LIMS1: variants seen among roughly 807,000 people sequenced by gnomAD.
The protein encoded by LIMS1 is LIM zinc finger domain containing 1.
In LIMS1, 18 loss-of-function variants were observed where a neutral mutation model predicts 44.1. The ratio of observed to expected loss-of-function variants is 0.41; its 90% confidence interval spans 0.28 to 0.61. The LOEUF (loss-of-function observed/expected upper bound fraction) is 0.61, where lower values mean the gene tolerates loss of function less well. Ranked by LOEUF, LIMS1 falls within the 20% of genes least tolerant of loss-of-function variation. The pLI is 0.32. For missense variants in LIMS1, 201 were observed against 422.0 expected, an observed-to-expected ratio of 0.48 and a Z score of 4.59; for synonymous variants, 93 against 149.1, an observed-to-expected ratio of 0.62 and a Z score of 2.74.
intron 1 of LIMS1, among the ~76,000 whole-genome samples, chr2:108,606,133 T>A (rs908791261): frequency 3.3e-5 from 5 of 152,274 alleles, no homozygotes; most frequent in African/African-American, 1.2e-4. Context: ...CCAGACAACC[T>A]TCTAATTATA....
At chr2:108,593,317 T>G (rs1686503041) in intron 1 of LIMS1, among the ~76,000 whole-genome samples, 2 of 152,186 alleles carry the variant, frequency 1.3e-5, no homozygotes, top group Non-Finnish European at 2.9e-5. Context: ...ATTCTTCTCT[T>G]TCTTTTGCTT....
At chr2:108,639,506 G>A (rs367684472) in intron 1 of LIMS1, among the ~76,000 whole-genome samples, 9 of 152,202 alleles carry the variant, frequency 5.9e-5, no homozygotes, top group Admixed American at 1.3e-4. Flanking sequence ...AGGCTGGAGC[G>A]CAGTTGCGCC....
At chr2:108,665,617 C>G (rs1691698527) in intron 2 of LIMS1, among the ~76,000 whole-genome samples, 1 of 152,150 alleles carries the variant, frequency 6.6e-6, no homozygotes, top group Admixed American at 6.5e-5. Flanking sequence ...ACCTCCACCT[C>G]CTGGATTCAA....
At chr2:108,664,670 T>C (rs1294638907) in intron 2 of LIMS1, among the ~76,000 whole-genome samples, 1 of 152,232 alleles carries the variant, frequency 6.6e-6, no homozygotes, top group Non-Finnish European at 1.5e-5. Flanking sequence ...GATCAACTTC[T>C]GGCCTTTCTC....
intron 1 of LIMS1, among the ~76,000 whole-genome samples, chr2:108,622,973 A>ATTT (rs68115708): frequency 3.2e-5 from 4 of 123,128 alleles, no homozygotes; most frequent in Admixed American, 8.4e-5. Flanking sequence ...AAACAACTAG[A>ATTT]TTTTTTTTTT....
At chr2:108,561,746 GTTT>G (rs200154866) in intron 1 of LIMS1, among the ~76,000 whole-genome samples, 1 of 134,128 alleles carries the variant, frequency 7.5e-6, no homozygotes, top group Non-Finnish European at 1.6e-5. Flanking sequence ...GTTTTTTTTT[GTTT>G]TTTTTTTTTT....
chr2:108,669,476 C>T (rs1340083748), intron 2 of LIMS1, among the ~76,000 whole-genome samples: 1 of 151,996 alleles, frequency 6.6e-6, no homozygotes, highest in East Asian at 1.9e-4. Context: ...ACTGACTTTG[C>T]CAGTTAAGCT....
At chr2:108,678,611 A>C (rs1692732823) in intron 8 of LIMS1, 1 of 152,456 alleles carries the variant, frequency 6.6e-6, no homozygotes, top group South Asian at 2.1e-4. Context: ...TAATTCAGGA[A>C]ATACTTTTGA....
At chr2:108,662,232 C>G in intron 2 of LIMS1, 1 of 1,611,464 alleles carries the variant, frequency 6.2e-7, no homozygotes, top group South Asian at 1.1e-5. Flanking sequence ...GACTTAGGAA[C>G]GAACATGATG....
intron 3 of LIMS1, among the ~76,000 whole-genome samples, chr2:108,671,447 A>G (rs891751205): frequency 1.3e-5 from 2 of 152,292 alleles, no homozygotes; most frequent in East Asian, 1.9e-4. Flanking sequence ...ACCTTTACCA[A>G]CTTGCTTTTG....
intron 1 of LIMS1, among the ~76,000 whole-genome samples, chr2:108,540,197 T>TTC (rs1476517392): frequency 4.3e-5 from 6 of 139,968 alleles, no homozygotes; most frequent in Admixed American, 2.2e-4. Context: ...AGATTCCTTT[T>TTC]TTTTTTTTTT....
intron 1 of LIMS1, among the ~76,000 whole-genome samples, chr2:108,649,058 G>A (rs1690275816): frequency 6.6e-6 from 1 of 152,110 alleles, no homozygotes; most frequent in Non-Finnish European, 1.5e-5. Flanking sequence ...CCTACAGAAT[G>A]GGAGAAAATT....
intron 1 of LIMS1, among the ~76,000 whole-genome samples, chr2:108,551,901 ATATG>A (rs1296877067): frequency 7.0e-6 from 1 of 142,248 alleles, no homozygotes; most frequent in Non-Finnish European, 1.5e-5. Context: ...ATACATGTAT[ATATG>A]TATATGTGTG....
intron 1 of LIMS1, among the ~76,000 whole-genome samples, chr2:108,553,769 G>C (rs1332963930): frequency 6.6e-6 from 1 of 152,204 alleles, no homozygotes; most frequent in Non-Finnish European, 1.5e-5. Context: ...TGATGACTCT[G>C]TTGGACATTA....
At chr2:108,633,482 A>G (rs1689043844) in intron 1 of LIMS1, among the ~76,000 whole-genome samples, 1 of 152,164 alleles carries the variant, frequency 6.6e-6, no homozygotes, top group Non-Finnish European at 1.5e-5. Context: ...AACCACTCTC[A>G]ATTTCACCAT....
intron 1 of LIMS1, among the ~76,000 whole-genome samples, chr2:108,586,694 C>T (rs1220575955): frequency 6.6e-6 from 1 of 152,146 alleles, no homozygotes; most frequent in Non-Finnish European, 1.5e-5. Context: ...CAGTTTCCTT[C>T]CTTTAGATTT....
intron 1 of LIMS1, chr2:108,657,820 T>C: frequency 6.6e-6 from 1 of 152,438 alleles, no homozygotes; most frequent in Non-Finnish European, 1.5e-5. Context: ...ATGAACATGG[T>C]GTGTCTGCAC....
Position 108,681,696 on chromosome 2 carries a change from G to A in LIMS1, c.899+926G>A, listed in dbSNP as rs1023753160. Reference sequence around the variant, plus strand: ...AGCACTTTAGGAAGGCAGAGTGGAAGGATTGCCTGAGCCCAGGATTTTGAG... The same window carrying A: ...AGCACTTTAGGAAGGCAGAGTGGAAAGATTGCCTGAGCCCAGGATTTTGAG... On this transcript the variant is annotated intron_variant, in intron 9 of 9. Coordinates refer to ENST00000544547, the Ensembl canonical transcript of LIMS1. 2.0e-4 allele frequency: 116 copies of A among 571,968 alleles called. 1 individual carries two copies. Among genetic ancestry groups the A allele is most frequent in the Non-Finnish European group, 6.6e-5 (30 of 452,626 alleles). The allele number at this position is 571,968 out of a possible 1,614,324, so 35.4% of individuals were successfully genotyped here.
chr2:108,607,157 A>C, intron 1 of LIMS1: 1 of 1,523,242 alleles, frequency 6.6e-7, no homozygotes, highest in Non-Finnish European at 8.9e-7. Flanking sequence ...CCCTTCCTGC[A>C]TGTGAGGACA....
Sources: allele counts gnomAD v4.1 joint callset (sites outside exome capture counted in the v4.1 genomes callset), GRCh38; gene constraint gnomAD v4.1.1; transcripts MANE v1.5; gene names NCBI Gene and HGNC (gene_info 2026-07-23, HGNC 2026-07-21).